CPNE7: variants seen among roughly 807,000 people sequenced by gnomAD.
CPNE7 encodes copine-7.
A neutral mutation model predicts 66.5 loss-of-function variants in CPNE7; 78 were observed. The ratio of observed to expected loss-of-function variants is 1.17; its 90% confidence interval spans 0.98 to 1.42. The LOEUF is 1.42. CPNE7 is among the 40% of genes most tolerant of loss of function. The pLI is 0.00. For missense variants in CPNE7, 1,012 were observed against 776.6 expected (o/e 1.30, Z -3.60); for synonymous variants, 468 against 336.7 (o/e 1.39, Z -4.27).
intron 10 of CPNE7, among the ~76,000 whole-genome samples, chr16:89,589,107 C>T (rs1288165253): frequency 1.3e-5 from 2 of 152,178 alleles, no homozygotes; most frequent in African/African-American, 4.8e-5. Context: ...GCCTGGCCAA[C>T]ATGGTGAAAC....
intron 11 of CPNE7, 23 bp downstream of exon 11, chr16:89,589,974 A>T (rs1302088446): frequency 1.2e-6 from 2 of 1,612,796 alleles, no homozygotes; most frequent in East Asian, 4.5e-5. Flanking sequence ...AGAACCTGAG[A>T]CCTCAGAGCT....
At chr16:89,596,017 A>G (rs1212427098) in intron 14 of CPNE7, 1 of 477,448 alleles carries the variant, frequency 2.1e-6, no homozygotes, top group East Asian at 5.7e-5. Flanking sequence ...ACCAGGCAAG[A>G]CACACATGTC....
Position 89,591,167 on chromosome 16 carries a change from C to A in CPNE7, c.1209C>A (p.Pro403=). The A allele has an allele frequency of 6.2e-7, 1 of 1,607,284 alleles. No homozygotes were observed. Among genetic ancestry groups the A allele is most frequent in the Non-Finnish European group, 8.5e-7 (1 of 1,177,180 alleles). ...TGGAGGCCTACCAGAACTGCCTGCC[C>A]AGGGTCCAGCTCTACGGCCCCACCA... ...GVVEAYQNCL[P]RVQLYGPTNV... The change falls in exon 13 of 15, where the codon CCC becomes CCA. Residue 403 remains proline, a synonymous_variant. Transcript: ENST00000319518.
Position 89,596,114 on chromosome 16 carries a change from G to A in CPNE7, c.1540-370G>A, listed in dbSNP as rs758150347. 2.4e-4 allele frequency among the ~76,000 whole-genome samples: 37 copies of A among 152,366 alleles called. 1 individual carries two copies. The highest frequency in any genetic ancestry group is 1.4e-3 in the Admixed American group (22 of 15,300). ...ACACCACAGACATGCATGAAGACAC[G>A]GACACGTGACATTCTACGCAGTGAA... On this transcript the variant is annotated intron_variant, in intron 14 of 14. Transcript: ENST00000319518.
Position 89,585,761 on chromosome 16 carries a change from G to A in CPNE7, c.756G>A (p.Met252Ile), listed in dbSNP as rs1466987995. The change falls in exon 7 of 15, where the codon ATG becomes ATA. Residue 252 changes from methionine to isoleucine, a missense_variant. Met to Ile is a conservative substitution (Grantham distance 10). Transcript: ENST00000319518. ...AATTCTCTACCACCTTCGAGGAGAT[G>A]CAGAAGGCCTTTGAGGAGGGGCAGG... Reference protein sequence around the residue: ...IGEFSTTFEEMQKAFEEGQAQ... With the variant: ...IGEFSTTFEEIQKAFEEGQAQ... The A allele has an allele frequency of 9.0e-6, 13 of 1,441,560 alleles. No individual in the cohort carries two copies. The highest frequency in any genetic ancestry group is 1.2e-5 in the South Asian group (1 of 82,416). 89.3% of individuals were successfully genotyped at this position (1,441,560 alleles called of 1,614,324 possible).
Position 89,596,485 on chromosome 16 carries a change from C to A in CPNE7, c.1541C>A (p.Ala514Glu), listed in dbSNP as rs763173978. The change falls in exon 15 of 15, where the codon GCA becomes GAA. Residue 514 changes from alanine to glutamate, a missense_variant and splice_region_variant. Ala to Glu is a moderately radical substitution (Grantham distance 107). Coordinates refer to ENST00000319518, the MANE Select transcript of CPNE7 (RefSeq NM_153636.3). ...TAACTGCGTTGTCCCATCCTCCAGG[C>A]ATCCCCTGCGGCGCTGGCCAAGTGC... is the stretch of plus-strand genomic sequence containing the variant. Reference protein sequence around the residue: ...QFVPFRELKNASPAALAKCVL... With the variant: ...QFVPFRELKNESPAALAKCVL... 3 of 1,605,262 alleles carry A rather than the reference C, an allele frequency of 1.9e-6. No homozygotes were observed. The highest frequency in any genetic ancestry group is 2.5e-6 in the Non-Finnish European group (3 of 1,178,052).
rs2059257399 is a variant in CPNE7 at position 89,596,486 on chromosome 16, A to G, written c.1542A>G (p.Ala514=). The stretch of plus-strand genomic sequence containing the variant: ...AACTGCGTTGTCCCATCCTCCAGGC[A>G]TCCCCTGCGGCGCTGGCCAAGTGCG... ...QFVPFRELKN[A]SPAALAKCVL... The change falls in exon 15 of 15, where the codon GCA becomes GCG. Residue 514 remains alanine, a splice_region_variant and synonymous_variant. Transcript: ENST00000319518. 1.2e-6 allele frequency: 2 copies of G among 1,605,846 alleles called. No homozygotes were observed. The highest frequency in any genetic ancestry group is 1.7e-6 in the Non-Finnish European group (2 of 1,178,340).
intron 2 of CPNE7, among the ~76,000 whole-genome samples, chr16:89,581,857 A>C (rs367768660): frequency 6.6e-6 from 1 of 152,160 alleles, no homozygotes; most frequent in African/African-American, 2.4e-5. Context: ...TGTTGCCCCA[A>C]CTGGTCTTGA....
chr16:89,587,191 G>C lies in CPNE7; in HGVS notation c.927+89G>C, dbSNP rs1489870307. 7 of 450,128 alleles carry C rather than the reference G, an allele frequency of 1.6e-5. 1 individual carries two copies. Among genetic ancestry groups the C allele is most frequent in the Admixed American group, 4.2e-5 (1 of 23,620 alleles). The allele number at this position is 450,128 out of a possible 1,614,324, so 27.9% of individuals were successfully genotyped here. A position where few individuals can be genotyped will look rare whatever the true frequency, so the allele number is the denominator to read the frequency against. On this transcript the variant is annotated intron_variant, in intron 9 of 14. Coordinates refer to ENST00000319518, the MANE Select transcript of CPNE7 (RefSeq NM_153636.3). Reference sequence around the variant, plus strand: ...TCAGTCCGTGGCCCCGCCCCTCCCCGCCCCCTCAGTCTGTGGCCCCGCCCA... The same window carrying C: ...TCAGTCCGTGGCCCCGCCCCTCCCCCCCCCCTCAGTCTGTGGCCCCGCCCA...
At chr16:89,577,952 G>C (rs138603763) in intron 2 of CPNE7, among the ~76,000 whole-genome samples, 2 of 152,190 alleles carry the variant, frequency 1.3e-5, no homozygotes, top group African/African-American at 2.4e-5. Flanking sequence ...GCTGTGGAGC[G>C]CCTCCATCCT....
At position 89,584,205 on chromosome 16, in the gene CPNE7, G is replaced by A; in HGVS notation, c.507+103G>A. The A allele has an allele frequency of 1.7e-6, 2 of 1,175,672 alleles. No homozygotes were observed. The highest frequency in any genetic ancestry group is 2.4e-5 in the East Asian group (1 of 41,180). The allele number at this position is 1,175,672 out of a possible 1,614,324, so 72.8% of individuals were successfully genotyped here. On this transcript the variant is annotated intron_variant, in intron 4 of 14. Coordinates refer to ENST00000319518, the MANE Select transcript of CPNE7 (RefSeq NM_153636.3). This position sits in a 1 kb window ranked among gnomAD's most constrained non-coding sequence, Gnocchi z 6.0. ...CTGACCTCGCGTGGCTATGTCCCGT[G>A]TGAGACGTGTGCGGAGTGTGCCTGG...
In CPNE7 at chr16:89,575,780, C is replaced by T; in HGVS notation, c.-118C>T. On this transcript the variant is annotated 5_prime_UTR_variant, in exon 1 of 15. Transcript: ENST00000319518. ...GCCACGTGCGCCCGCGCCCGGCAGGCGTTCAGGGAAGCGCGGCCACGCCTG... is the reference window on the plus strand; with the variant it reads ...GCCACGTGCGCCCGCGCCCGGCAGGTGTTCAGGGAAGCGCGGCCACGCCTG... 1 of 723,368 alleles carries T rather than the reference C, an allele frequency of 1.4e-6. No individual in the cohort carries two copies. Among genetic ancestry groups the T allele is most frequent in the Non-Finnish European group, 1.7e-6 (1 of 584,498 alleles). 44.8% of individuals were successfully genotyped at this position (723,368 alleles called of 1,614,324 possible). A position where few individuals can be genotyped will look rare whatever the true frequency, so the allele number is the denominator to read the frequency against.
At position 89,577,617 on chromosome 16, in the gene CPNE7, G is replaced by A. The variant is rs1162638149; in HGVS notation, c.253G>A (p.Glu85Lys). ...CTTCACGGTGGACTACTACTTCGAG[G>A]AGGTGCAGAGGCTGCGCTTTGAGGT... ...KVFTVDYYFE[E>K]VQRLRFEVYD... The change falls in exon 2 of 15, where the codon GAG (glutamate) becomes AAG (lysine). Residue 85 changes from glutamate (E) to lysine (K), a missense_variant. Transcript: ENST00000319518. 1 of 1,569,544 alleles carries A rather than the reference G, an allele frequency of 6.4e-7. No homozygotes were observed.
chr16:89,577,777 G>C (rs374056543), intron 2 of CPNE7, 56 bp downstream of exon 2: 2 of 1,519,626 alleles, frequency 1.3e-6, no homozygotes, highest in African/African-American at 1.4e-5. Flanking sequence ...GGCCACAGCC[G>C]ATTCAAGGCT....
chr16:89,596,511 G>T lies in CPNE7; in HGVS notation c.1567G>T (p.Val523Leu), dbSNP rs746773328. ...ATCCCCTGCGGCGCTGGCCAAGTGC[G>T]TGCTGGCCGAGGTCCCGAAGCAGGT... ...NASPAALAKC[V>L]LAEVPKQVVE... The change falls in exon 15 of 15, where the codon GTG becomes TTG. Residue 523 changes from valine (V) to leucine (L), a missense_variant. By Grantham distance (32) the Val-to-Leu change is conservative. Transcript: ENST00000319518. 13 of 1,609,756 alleles carry T rather than the reference G, an allele frequency of 8.1e-6. No homozygotes were observed. The highest frequency in any genetic ancestry group is 4.5e-5 in the East Asian group (2 of 44,866).
intron 2 of CPNE7, among the ~76,000 whole-genome samples, chr16:89,579,249 G>A (rs973436688): frequency 8.6e-5 from 13 of 151,232 alleles, no homozygotes; most frequent in African/African-American, 2.7e-4. Flanking sequence ...CCGAGATCGC[G>A]CCACTGCACA....
intron 5 of CPNE7, 55 bp from the exon 6 acceptor site, chr16:89,585,409 C>A (rs137959554): frequency 1.9e-5 from 24 of 1,287,844 alleles, no homozygotes; most frequent in African/African-American, 8.8e-5. Context: ...CTCTATCCCC[C>A]CCAAGGATCC....
chr16:89,588,166 C>G (rs1321889231), intron 9 of CPNE7, among the ~76,000 whole-genome samples: 1 of 101,464 alleles, frequency 9.9e-6, no homozygotes. Flanking sequence ...CCCCGTGTCA[C>G]CCGCGTGTCA....
rs2059125435 is a variant in CPNE7 at position 89,588,770 on chromosome 16, A to G, written c.1023A>G (p.Ala341=). 2 of 1,613,572 alleles carry G rather than the reference A, an allele frequency of 1.2e-6. No individual in the cohort carries two copies. The highest frequency in any genetic ancestry group is 1.7e-6 in the Non-Finnish European group (2 of 1,179,964). ...NPYQPNEYLK[A]LVSVGEICQD... ...ACCAGCCGAACGAGTACCTGAAGGC[A>G]CTGGTGTCCGTGGGCGAGATCTGCC... Residue 341 remains alanine (A), a synonymous_variant, in exon 10 of 15, where the codon GCA becomes GCG. Coordinates refer to ENST00000319518, the MANE Select transcript of CPNE7 (RefSeq NM_153636.3).
Sources: allele counts gnomAD v4.1 joint callset (sites outside exome capture counted in the v4.1 genomes callset), GRCh38; gene constraint gnomAD v4.1.1; non-coding constraint Gnocchi (gnomAD v3.1); transcripts MANE v1.5; gene names NCBI Gene and HGNC (gene_info 2026-07-23, HGNC 2026-07-21).